SMOC2: variants seen among roughly 807,000 people sequenced by gnomAD.
The protein encoded by SMOC2 is SPARC-related modular calcium-binding protein 2.
In SMOC2, 39 loss-of-function variants were observed where a neutral mutation model predicts 61.4. The ratio of observed to expected loss-of-function variants is 0.64; its 90% confidence interval spans 0.49 to 0.83. SMOC2 has a LOEUF of 0.83. SMOC2 is among the 40% of genes least tolerant of loss of function. The pLI is 0.00. For missense variants in SMOC2, 556 were observed against 592.9 expected (o/e 0.94, Z 0.65); for synonymous variants, 247 against 239.9 (o/e 1.03, Z -0.27).
intron 11 of SMOC2, among the ~76,000 whole-genome samples, chr6:168,662,274 AC>A (rs1364555087): frequency 6.6e-6 from 1 of 152,136 alleles, no homozygotes; most frequent in African/African-American, 2.4e-5. Context: ...TAAATAAGAA[AC>A]CCCACAGCAC....
intron 2 of SMOC2, among the ~76,000 whole-genome samples, chr6:168,513,715 C>T (rs746541020): frequency 6.6e-6 from 1 of 152,182 alleles, no homozygotes; most frequent in African/African-American, 2.4e-5. Context: ...GCTGAGGCTG[C>T]GAGTGAGTCC....
intron 2 of SMOC2, among the ~76,000 whole-genome samples, chr6:168,524,041 T>G (rs556573475): frequency 6.6e-6 from 1 of 152,274 alleles, no homozygotes; most frequent in South Asian, 2.1e-4. Context: ...GTCTAAGGTA[T>G]GTCTGTATCA....
rs1446407395 is a variant in SMOC2 at position 168,664,091 on chromosome 6, G to A, written c.1303G>A (p.Glu435Lys). 3.7e-6 allele frequency: 6 copies of A among 1,604,756 alleles called. No homozygotes were observed. Among genetic ancestry groups the A allele is most frequent in the Non-Finnish European group, 5.1e-6 (6 of 1,177,254 alleles). Residue 435 changes from glutamate (E) to lysine (K), a missense_variant, in exon 12 of 13, where the codon GAA (glutamate) becomes AAA (lysine). Coordinates refer to ENST00000356284, the MANE Select transcript of SMOC2 (RefSeq NM_001166412.2). ...KKRHTPRGHA[E>K]STSNRQPRKQ... is the part of the protein sequence containing the mutation. ...CCTGCTAGCCCCCAGAGGTCATGCTGAAAGTACGTCTAATAGACAGGTAAG... is the reference window on the plus strand; with the variant it reads ...CCTGCTAGCCCCCAGAGGTCATGCTAAAAGTACGTCTAATAGACAGGTAAG...
rs145741647 is a variant in SMOC2, at chr6:168,560,484, C to T, written c.637+11281C>T. 4.0e-4 allele frequency among the ~76,000 whole-genome samples: 61 copies of T among 151,772 alleles called. 2 individuals carry two copies. In the East Asian group the frequency reaches 9.3e-3, roughly 23 times the overall value. On this transcript the variant is annotated intron_variant, in intron 7 of 12. Transcript: ENST00000356284. Reference sequence around the variant, plus strand: ...TGAAGAAGAATGCGTCCTCTGTGCCCACCTTTCTGGCCCTGAGATGTGAGG... The same window carrying T: ...TGAAGAAGAATGCGTCCTCTGTGCCTACCTTTCTGGCCCTGAGATGTGAGG...
intron 1 of SMOC2, among the ~76,000 whole-genome samples, chr6:168,443,390 G>A (rs183114087): frequency 1.3e-5 from 2 of 152,172 alleles, no homozygotes; most frequent in African/African-American, 2.4e-5. Flanking sequence ...CTTGGGTTGC[G>A]GTGAGACCCG....
At chr6:168,456,574 C>T (rs1781593238) in intron 1 of SMOC2, among the ~76,000 whole-genome samples, 1 of 152,238 alleles carries the variant, frequency 6.6e-6, no homozygotes, top group Non-Finnish European at 1.5e-5. Context: ...GTGGAGCTTT[C>T]CTCTGTCAGC....
chr6:168,495,135 T>G (rs1455885097), intron 1 of SMOC2, among the ~76,000 whole-genome samples: 2 of 152,164 alleles, frequency 1.3e-5, no homozygotes, highest in Non-Finnish European at 2.9e-5. Flanking sequence ...TCAGAGTGGT[T>G]CCAGGAAAGC....
At chr6:168,599,108 T>C (rs977166172) in intron 8 of SMOC2, 104 bp downstream of exon 8, 7 of 999,356 alleles carry the variant, frequency 7.0e-6, no homozygotes, top group African/African-American at 5.3e-5. Flanking sequence ...CGACACACAG[T>C]CACACACACA....
intron 1 of SMOC2, among the ~76,000 whole-genome samples, chr6:168,450,262 C>T (rs755677580): frequency 6.6e-6 from 1 of 152,160 alleles, no homozygotes; most frequent in Non-Finnish European, 1.5e-5. Flanking sequence ...TGCTGTCATG[C>T]CAGTCACCAT....
chr6:168,583,637 G>A lies in SMOC2; in HGVS notation c.638-15181G>A, dbSNP rs145828579. Among the ~76,000 whole-genome samples the A allele has an allele frequency of 5.7e-3, 865 of 152,244 alleles. 8 individuals are homozygous for A. Among genetic ancestry groups the A allele is most frequent in the African/African-American group, 0.018 (730 of 41,546 alleles). The stretch of plus-strand genomic sequence containing the variant: ...GCAGCAGCAGAGGCACACGAAAGCC[G>A]GGCCTCACACACAAGCAAATTTGGA... On this transcript the variant is annotated intron_variant, in intron 7 of 12. Coordinates refer to ENST00000356284, the MANE Select transcript of SMOC2 (RefSeq NM_001166412.2).
intron 8 of SMOC2, among the ~76,000 whole-genome samples, chr6:168,603,210 C>T (rs1374682779): frequency 6.6e-6 from 1 of 151,668 alleles, no homozygotes; most frequent in African/African-American, 2.4e-5. Context: ...CTGAGGCCTC[C>T]CCAACCATGC....
chr6:168,599,952 C>G (rs1233691387), intron 8 of SMOC2, among the ~76,000 whole-genome samples: 9 of 150,480 alleles, frequency 6.0e-5, no homozygotes, highest in Non-Finnish European at 1.3e-4. Flanking sequence ...ACTCACACAT[C>G]CACACTCACA....
rs537607088 is a variant in SMOC2 at position 168,457,335 on chromosome 6, C to T, written c.84+15881C>T. ...CAGCACCCCAGCGTGACGCCAGCCA[C>T]GGGGATGCCACCCATCCAACCCCAC... On this transcript the variant is annotated intron_variant, in intron 1 of 12. Transcript: ENST00000356284. Among the ~76,000 whole-genome samples the T allele has an allele frequency of 6.0e-4, 92 of 152,332 alleles. No homozygotes were observed. In the South Asian group the frequency reaches 6.8e-3, roughly 11 times the overall value.
At chr6:168,515,129 A>T (rs909002058) in intron 2 of SMOC2, among the ~76,000 whole-genome samples, 1 of 152,256 alleles carries the variant, frequency 6.6e-6, no homozygotes, top group African/African-American at 2.4e-5. Flanking sequence ...TTCAATAGGA[A>T]TTCTCATTTA....
At chr6:168,598,680 C>G (rs564242068) in intron 7 of SMOC2, 138 bp from the exon 8 acceptor site, 9 of 940,562 alleles carry the variant, frequency 9.6e-6, no homozygotes, top group Admixed American at 2.1e-5. Flanking sequence ...CTGTGCCCCC[C>G]ACGCTGGCAG....
chr6:168,614,176 GGCCTCTTCACACCTACAGCCAGCACAGA>G (rs1562382797), intron 9 of SMOC2, among the ~76,000 whole-genome samples: 199 of 59,766 alleles, frequency 3.3e-3, no homozygotes, highest in African/African-American at 0.014. Context: ...CAGCACAGGG[GGCCTCTTCACACCTACAGCCAGCACAGA>G]GCCTCTTCAC....
chr6:168,472,578 G>A (rs1364557679), intron 1 of SMOC2, among the ~76,000 whole-genome samples: 1 of 152,118 alleles, frequency 6.6e-6, no homozygotes, highest in Non-Finnish European at 1.5e-5. Flanking sequence ...TATGAGTGTG[G>A]CTGCTTAAGG....
intron 2 of SMOC2, among the ~76,000 whole-genome samples, chr6:168,521,977 A>G (rs1278371654): frequency 6.6e-6 from 1 of 152,274 alleles, no homozygotes; most frequent in South Asian, 2.1e-4. Flanking sequence ...TTCTAAAAAT[A>G]GATGACAAAA....
chr6:168,634,334 C>T (rs1310716657), intron 9 of SMOC2, among the ~76,000 whole-genome samples: 1 of 152,174 alleles, frequency 6.6e-6, no homozygotes, highest in Non-Finnish European at 1.5e-5. Context: ...GTGTCTGTAA[C>T]TTTGCATGGC....
Sources: gnomAD v4.1 joint callset for allele counts (sites outside exome capture counted in the v4.1 genomes callset) on GRCh38, gnomAD v4.1.1 for gene constraint, MANE v1.5 for transcripts, NCBI Gene and HGNC (gene_info 2026-07-23, HGNC 2026-07-21) for gene names.